PIBF1: variants seen among roughly 807,000 people sequenced by gnomAD.
PIBF1 encodes progesterone-induced-blocking factor 1.
A neutral mutation model predicts 112.5 loss-of-function variants in PIBF1; 90 were observed. That is an observed-to-expected ratio of 0.80 (90% CI 0.67 to 0.95). The LOEUF (loss-of-function observed/expected upper bound fraction) is 0.95. PIBF1 is among the 40% of genes least tolerant of loss of function. PIBF1 has a pLI of 0.00. For synonymous variants in PIBF1, 301 were observed against 288.6 expected, an observed-to-expected ratio of 1.04 and a Z score of -0.44; for missense variants, 915 against 852.3, an observed-to-expected ratio of 1.07 and a Z score of -0.92.
rs367553403 is a variant in PIBF1, at chr13:73,016,086, C to T, written c.*167C>T. ...CAGTGTAATCAAAATGTGTAAAGAACAATCAATATACTTTATTTTTTTTTC... is the reference window on the plus strand; with the variant it reads ...CAGTGTAATCAAAATGTGTAAAGAATAATCAATATACTTTATTTTTTTTTC... On this transcript the variant is annotated 3_prime_UTR_variant, in exon 18 of 18. Transcript: ENST00000326291. 80 of 307,682 alleles carry T rather than the reference C, an allele frequency of 2.6e-4. 1 individual carries two copies. The highest frequency in any genetic ancestry group is 9.3e-4 in the East Asian group (18 of 19,338). The allele number at this position is 307,682 out of a possible 1,614,324, so 19.1% of individuals were successfully genotyped here.
chr13:73,016,219 C>G lies in PIBF1; in HGVS notation c.*300C>G, dbSNP rs2044378184. On this transcript the variant is annotated 3_prime_UTR_variant, in exon 18 of 18. Transcript: ENST00000326291. The stretch of plus-strand genomic sequence containing the variant: ...ATAAATATTTTGGTATTTTTCTATA[C>G]TACGTAAATTCTGAGTTTAAATGTC... 6.4e-6 allele frequency: 1 copy of G among 155,322 alleles called. No individual in the cohort carries two copies. Among genetic ancestry groups the G allele is most frequent in the Non-Finnish European group, 1.4e-5 (1 of 70,998 alleles). 9.6% of individuals were successfully genotyped at this position (155,322 alleles called of 1,614,324 possible). A position where few individuals can be genotyped will look rare whatever the true frequency, so the allele number is the denominator to read the frequency against.
intron 11 of PIBF1, among the ~76,000 whole-genome samples, chr13:72,896,369 A>G (rs552417195): frequency 7.2e-5 from 11 of 152,196 alleles, no homozygotes; most frequent in African/African-American, 2.6e-4. Context: ...CAGAAAACCA[A>G]CCCTGGTAAT....
chr13:72,813,686 G>A (rs2036129952), intron 5 of PIBF1, among the ~76,000 whole-genome samples: 1 of 152,204 alleles, frequency 6.6e-6, no homozygotes, highest in Non-Finnish European at 1.5e-5. Flanking sequence ...AGAAACTCAG[G>A]CGAAACTTAA....
chr13:72,803,983 T>C (rs902280660), intron 5 of PIBF1, among the ~76,000 whole-genome samples: 7 of 152,218 alleles, frequency 4.6e-5, no homozygotes, highest in African/African-American at 2.4e-5. Context: ...AATGTTCTTA[T>C]CTGAGTGTTT....
chr13:72,870,798 A>G (rs2039128215), intron 10 of PIBF1, among the ~76,000 whole-genome samples: 1 of 151,206 alleles, frequency 6.6e-6, no homozygotes, highest in African/African-American at 2.4e-5. Context: ...AATTTTGTAA[A>G]CCTAAATATA....
At chr13:72,958,784 T>C (rs2042526632) in intron 14 of PIBF1, among the ~76,000 whole-genome samples, 1 of 152,206 alleles carries the variant, frequency 6.6e-6, no homozygotes, top group African/African-American at 2.4e-5. Flanking sequence ...AAGGAACTGG[T>C]ATTAGTAGGG....
chr13:72,834,392 AG>A (rs2037257989), intron 8 of PIBF1, among the ~76,000 whole-genome samples: 1 of 152,184 alleles, frequency 6.6e-6, no homozygotes, highest in Non-Finnish European at 1.5e-5. Context: ...TGGGAGGCCA[AG>A]GCAGGAGGAT....
At chr13:72,904,946 A>G (rs1384642412) in intron 11 of PIBF1, among the ~76,000 whole-genome samples, 1 of 152,004 alleles carries the variant, frequency 6.6e-6, no homozygotes, top group Non-Finnish European at 1.5e-5. Flanking sequence ...GACTCATTTT[A>G]ATGTTTTATT....
At chr13:72,852,628 T>C (rs1301685387) in intron 9 of PIBF1, among the ~76,000 whole-genome samples, 2 of 152,180 alleles carry the variant, frequency 1.3e-5, no homozygotes, top group Admixed American at 6.5e-5. Context: ...GCTGACAAAG[T>C]GACGCCCCAA....
intron 5 of PIBF1, among the ~76,000 whole-genome samples, chr13:72,815,984 A>G: frequency 6.6e-6 from 1 of 152,202 alleles, no homozygotes; most frequent in South Asian, 2.1e-4. Context: ...GTTCAATCAT[A>G]TTTGGGTCAA....
At chr13:72,798,334 C>T (rs556808828) in intron 5 of PIBF1, among the ~76,000 whole-genome samples, 8 of 152,176 alleles carry the variant, frequency 5.3e-5, no homozygotes, top group Non-Finnish European at 8.8e-5. Flanking sequence ...CCTTAGATGA[C>T]GCATATGCAT....
intron 8 of PIBF1, among the ~76,000 whole-genome samples, chr13:72,828,311 T>C (rs1166805533): frequency 6.7e-6 from 1 of 150,320 alleles, no homozygotes; most frequent in Non-Finnish European, 1.5e-5. Context: ...CGTTCTGGGG[T>C]ACATGTGCAG....
chr13:72,959,326 C>A (rs1202325387), intron 14 of PIBF1, among the ~76,000 whole-genome samples: 1 of 152,062 alleles, frequency 6.6e-6, no homozygotes, highest in Non-Finnish European at 1.5e-5. Context: ...ACATTTTCCC[C>A]AGCAATTGAG....
intron 5 of PIBF1, among the ~76,000 whole-genome samples, chr13:72,804,023 C>G (rs938555006): frequency 2.0e-5 from 3 of 152,008 alleles, no homozygotes; most frequent in African/African-American, 7.2e-5. Flanking sequence ...TGTTTCTTTC[C>G]TCTTCAGTCT....
chr13:72,944,204 TG>T (rs2042087105), intron 14 of PIBF1, among the ~76,000 whole-genome samples: 1 of 152,136 alleles, frequency 6.6e-6, no homozygotes, highest in South Asian at 2.1e-4. Flanking sequence ...CCCAGCACTT[TG>T]GGAGGCTGAG....
Position 72,921,712 on chromosome 13 carries a change from TTG to T in PIBF1, c.1730+4547_1730+4548del, listed in dbSNP as rs1283980088. Among the ~76,000 whole-genome samples the T allele has an allele frequency of 4.6e-5, 7 of 152,286 alleles. No homozygotes were observed. The East Asian group carries it at 1.2e-3, about 25-fold the overall frequency. On this transcript the variant is annotated intron_variant, in intron 13 of 17. Transcript: ENST00000326291. ...ACTGAAAAATATCATTAGTTGCCTA[TTG>T]CAACCCAGGCAATACCACAAAATTA... is the stretch of plus-strand genomic sequence containing the variant.
At chr13:72,824,605 A>T (rs535534119) in intron 6 of PIBF1, among the ~76,000 whole-genome samples, 1 of 152,152 alleles carries the variant, frequency 6.6e-6, no homozygotes, top group Non-Finnish European at 1.5e-5. Context: ...CAAGCAATAA[A>T]TGTATATGCA....
chr13:72,821,835 C>T lies in PIBF1; in HGVS notation c.673-14C>T. 2 of 1,594,524 alleles carry T rather than the reference C, an allele frequency of 1.3e-6. No individual in the cohort carries two copies. Among genetic ancestry groups the T allele is most frequent in the Non-Finnish European group, 8.6e-7 (1 of 1,169,150 alleles). ...GTTTAGTCTGAAATGTGTTATTATT[C>T]CTTTGGTTTATAGACATATGAGGAA... On this transcript the variant is annotated splice_polypyrimidine_tract_variant and intron_variant, in intron 5 of 17. Transcript: ENST00000326291.
chr13:72,960,620 T>C (rs894746916), intron 14 of PIBF1, among the ~76,000 whole-genome samples: 1 of 152,210 alleles, frequency 6.6e-6, no homozygotes, highest in African/African-American at 2.4e-5. Context: ...TTCTTAGTTA[T>C]TCCCTGCCAC....
Sources: gnomAD v4.1 joint callset for allele counts (sites outside exome capture counted in the v4.1 genomes callset) on GRCh38, gnomAD v4.1.1 for gene constraint, MANE v1.5 for transcripts, NCBI Gene and HGNC (gene_info 2026-07-23, HGNC 2026-07-21) for gene names.